Variants in MYO1H observed in about 807,000 individuals in gnomAD.
MYO1H encodes the protein unconventional myosin-Ih.
Under a neutral mutation model 149.3 loss-of-function variants are expected in MYO1H, and 118 were observed. The observed-to-expected ratio is 0.79, with a 90% CI of 0.68 to 0.92. The LOEUF is 0.92. Ranked by LOEUF, MYO1H falls within the 40% of genes least tolerant of loss-of-function variation. The pLI, the probability that MYO1H is intolerant of heterozygous loss-of-function variation, is 0.00. For synonymous variants in MYO1H, 447 were observed against 465.2 expected, an observed-to-expected ratio of 0.96 and a Z score of 0.50; for missense variants, 1,212 against 1,280.7, an observed-to-expected ratio of 0.95 and a Z score of 0.82.
chr12:109,351,587 G>A (rs1231713609), intron 1 of MYO1H, among the ~76,000 whole-genome samples: 1 of 152,090 alleles, frequency 6.6e-6, no homozygotes, highest in African/African-American at 2.4e-5. Context: ...AAATTCCTGG[G>A]GACCAGGTAC....
At chr12:109,396,661 G>A (rs1324523164) in intron 4 of MYO1H, 79 bp downstream of exon 4, 12 of 1,270,118 alleles carry the variant, frequency 9.4e-6, no homozygotes, top group East Asian at 4.8e-5. Context: ...GGGCAGGTCA[G>A]TCAAAATGGG....
chr12:109,359,990 C>A (rs925097007), intron 1 of MYO1H, among the ~76,000 whole-genome samples: 1 of 152,188 alleles, frequency 6.6e-6, no homozygotes, highest in Non-Finnish European at 1.5e-5. Flanking sequence ...CTGTCCTGTT[C>A]CGGCGGCCGG....
intron 19 of MYO1H, among the ~76,000 whole-genome samples, chr12:109,429,760 G>T (rs967966010): frequency 6.6e-6 from 1 of 151,124 alleles, no homozygotes; most frequent in Non-Finnish European, 1.5e-5. Context: ...TAGGTAAGGG[G>T]GTCACTCTCT....
the MYO1H span, among the ~76,000 whole-genome samples, chr12:109,329,343 G>C: frequency 6.6e-6 from 1 of 152,134 alleles, no homozygotes; most frequent in Non-Finnish European, 1.5e-5. Context: ...TTATGACCTG[G>C]AAAGCCTAAA....
the MYO1H span, among the ~76,000 whole-genome samples, chr12:109,313,325 G>A: frequency 7.0e-4 from 106 of 152,288 alleles, no homozygotes; most frequent in African/African-American, 2.5e-3. Flanking sequence ...GTGCATGCCA[G>A]TAATTTCGAA....
chr12:109,443,910 AAAC>A (rs1872360979), intron 28 of MYO1H, among the ~76,000 whole-genome samples: 2 of 151,890 alleles, frequency 1.3e-5, no homozygotes, highest in African/African-American at 4.8e-5. Flanking sequence ...TCAAAAAAAA[AAAC>A]AAAAAACAAA....
At chr12:109,365,499 C>T (rs1056418358) in intron 1 of MYO1H, among the ~76,000 whole-genome samples, 3 of 152,156 alleles carry the variant, frequency 2.0e-5, no homozygotes, top group Admixed American at 6.5e-5. Flanking sequence ...TTTTCCCCTC[C>T]CTCGGACACT....
At chr12:109,441,128 G>A (rs1007558673) in intron 25 of MYO1H, among the ~76,000 whole-genome samples, 4 of 152,204 alleles carry the variant, frequency 2.6e-5, no homozygotes, top group African/African-American at 9.6e-5. Flanking sequence ...TTTTCACCGT[G>A]CTAACCTGCG....
At chr12:109,314,249 C>G in the MYO1H span, among the ~76,000 whole-genome samples, 1 of 139,828 alleles carries the variant, frequency 7.2e-6, no homozygotes, top group African/African-American at 2.7e-5. Context: ...AAAAAAAAAT[C>G]TGGGCTGTCT....
At chr12:109,426,499 A>G (rs1330521322) in intron 18 of MYO1H, among the ~76,000 whole-genome samples, 1 of 151,980 alleles carries the variant, frequency 6.6e-6, no homozygotes, top group Admixed American at 6.6e-5. Flanking sequence ...GCACTCCAGT[A>G]TGGGTGACAG....
chr12:109,374,794 G>A (rs150196840), intron 1 of MYO1H, among the ~76,000 whole-genome samples: 12 of 151,944 alleles, frequency 7.9e-5, no homozygotes, highest in Admixed American at 5.9e-4. Flanking sequence ...TGTCAGTTTG[G>A]TAAGTATAAA....
At chr12:109,406,716 G>A in intron 8 of MYO1H, 73 bp from the exon 9 acceptor site, 1 of 1,428,928 alleles carries the variant, frequency 7.0e-7, no homozygotes, top group Non-Finnish European at 9.9e-7. Flanking sequence ...GCCATACCTT[G>A]TCTCTAAAAA....
At chr12:109,385,259 T>A (rs1191660483) in intron 1 of MYO1H, among the ~76,000 whole-genome samples, 1 of 152,076 alleles carries the variant, frequency 6.6e-6, no homozygotes, top group Non-Finnish European at 1.5e-5. Context: ...TGGAAATATT[T>A]GGGATTACTA....
intron 4 of MYO1H, 26 bp from the exon 5 acceptor site, chr12:109,397,706 C>A: frequency 6.3e-7 from 1 of 1,586,766 alleles, no homozygotes; most frequent in Non-Finnish European, 8.6e-7. Context: ...GCTTAAATGA[C>A]AGTGAATGAC....
chr12:109,440,683 C>A (rs928403467), intron 24 of MYO1H, 61 bp from the exon 25 acceptor site: 1 of 1,217,216 alleles, frequency 8.2e-7, no homozygotes, highest in South Asian at 1.3e-5. Flanking sequence ...TCATTTTGAT[C>A]GCCACAGCCC....
intron 7 of MYO1H, 31 bp from the exon 8 acceptor site, chr12:109,405,891 T>G (rs369119996): frequency 2.7e-4 from 403 of 1,486,404 alleles, no homozygotes; most frequent in Non-Finnish European, 3.6e-4. Context: ...TGTCCTGATC[T>G]CCTGTCTCTG....
chr12:109,370,313 C>T (rs1868955249), intron 1 of MYO1H, among the ~76,000 whole-genome samples: 1 of 152,186 alleles, frequency 6.6e-6, no homozygotes, highest in Non-Finnish European at 1.5e-5. Context: ...GAAGGATTGT[C>T]TTGGAAGAGG....
At chr12:109,424,222 G>A (rs893106128) in intron 16 of MYO1H, among the ~76,000 whole-genome samples, 1 of 151,994 alleles carries the variant, frequency 6.6e-6, no homozygotes, top group Non-Finnish European at 1.5e-5. Flanking sequence ...GTGCAGTGGC[G>A]CAATCAGAGT....
At chr12:109,443,081 C>CAT (rs1566044803) in intron 27 of MYO1H, among the ~76,000 whole-genome samples, 458 of 38,510 alleles carry the variant, frequency 0.012, 44 homozygotes, top group African/African-American at 0.04. Context: ...TATATGTGTA[C>CAT]GTATGTGTGT....
Sources: gnomAD v4.1 joint callset for allele counts (sites outside exome capture counted in the v4.1 genomes callset) on GRCh38, gnomAD v4.1.1 for gene constraint, MANE v1.5 for transcripts, NCBI Gene and HGNC (gene_info 2026-07-23, HGNC 2026-07-21) for gene names.